The following PSD3 variants were observed in gnomAD, a reference collection of about 807,000 sequenced individuals.
PSD3 encodes the protein pleckstrin and Sec7 domain containing 3.
In PSD3, 49 loss-of-function variants were observed where a neutral mutation model predicts 105.5. The ratio of observed to expected loss-of-function variants is 0.46; its 90% CI spans 0.37 to 0.59. The LOEUF is 0.59. Ranked by LOEUF, PSD3 falls within the 20% of genes least tolerant of loss-of-function variation. PSD3 has a pLI of 0.00. For synonymous variants in PSD3, 557 were observed against 457.8 expected (o/e 1.22, Z -2.77); for missense variants, 1,561 against 1,263.8 (o/e 1.24, Z -3.57).
At chr8:19,030,839 T>A (rs1827741380) in intron 1 of PSD3, among the ~76,000 whole-genome samples, 1 of 152,190 alleles carries the variant, frequency 6.6e-6, no homozygotes, top group Non-Finnish European at 1.5e-5. Context: ...TTGAGAGCGA[T>A]CCTAATTTTG....
At chr8:18,789,204 G>T (rs911231096) in intron 8 of PSD3, among the ~76,000 whole-genome samples, 2 of 152,068 alleles carry the variant, frequency 1.3e-5, no homozygotes, top group African/African-American at 2.4e-5. Context: ...ATGTCCATGA[G>T]GTCAACCCTA....
At chr8:18,943,423 A>G (rs1329270294) in intron 1 of PSD3, among the ~76,000 whole-genome samples, 1 of 152,184 alleles carries the variant, frequency 6.6e-6, no homozygotes, top group Non-Finnish European at 1.5e-5. Context: ...AAAAGCACAA[A>G]CCCACAGGAA....
At chr8:18,808,128 TA>T (rs1485971605) in intron 4 of PSD3, among the ~76,000 whole-genome samples, 8 of 152,212 alleles carry the variant, frequency 5.3e-5, no homozygotes, top group Admixed American at 5.2e-4. Context: ...AAATGTAAAA[TA>T]TTTATTCCAA....
chr8:18,844,172 T>C (rs1814888597), intron 4 of PSD3, among the ~76,000 whole-genome samples: 1 of 151,638 alleles, frequency 6.6e-6, no homozygotes, highest in Non-Finnish European at 1.5e-5. Context: ...AAGAGCTGTA[T>C]CTCCCCAGGA....
chr8:18,826,308 C>T (rs1288069291), intron 4 of PSD3, among the ~76,000 whole-genome samples: 2 of 152,152 alleles, frequency 1.3e-5, no homozygotes, highest in Non-Finnish European at 2.9e-5. Context: ...AACCAATTCC[C>T]TATAATGAAT....
chr8:18,835,661 G>A (rs1413166828), intron 4 of PSD3, among the ~76,000 whole-genome samples: 3 of 152,224 alleles, frequency 2.0e-5, no homozygotes, highest in Admixed American at 1.3e-4. Flanking sequence ...AGGCAGGCAG[G>A]TAAGTGCCCA....
chr8:18,573,259 C>T (rs955557699), intron 13 of PSD3, among the ~76,000 whole-genome samples: 1 of 152,140 alleles, frequency 6.6e-6, no homozygotes, highest in Admixed American at 6.6e-5. Flanking sequence ...CACGTGAGGT[C>T]AGGAGTTCAA....
intron 11 of PSD3, among the ~76,000 whole-genome samples, chr8:18,630,591 T>C (rs1394991594): frequency 3.3e-5 from 5 of 151,998 alleles, no homozygotes; most frequent in Non-Finnish European, 7.4e-5. Flanking sequence ...TAGCAGGAAG[T>C]AGTAAATACT....
chr8:18,705,910 T>C (rs901658224), intron 9 of PSD3, among the ~76,000 whole-genome samples: 1 of 152,184 alleles, frequency 6.6e-6, no homozygotes, highest in African/African-American at 2.4e-5. Context: ...AATACTACTT[T>C]TCACAAATAT....
intron 1 of PSD3, among the ~76,000 whole-genome samples, chr8:18,936,496 G>A (rs1463300018): frequency 6.6e-6 from 1 of 152,218 alleles, no homozygotes; most frequent in Non-Finnish European, 1.5e-5. Flanking sequence ...GGACGCGGTA[G>A]CTCACACCTG....
intron 9 of PSD3, chr8:18,733,206 G>A: frequency 6.6e-6 from 1 of 152,068 alleles, no homozygotes; most frequent in Admixed American, 6.5e-5. Flanking sequence ...TTGGTACCAG[G>A]TAAACAATAT....
chr8:18,810,617 G>C (rs1339244845), intron 4 of PSD3, among the ~76,000 whole-genome samples: 2 of 152,106 alleles, frequency 1.3e-5, no homozygotes, highest in African/African-American at 4.8e-5. Context: ...AGGTGTCAAA[G>C]CTCCCTGTAT....
rs930664985 is a variant in PSD3 at position 18,993,917 on chromosome 8, A to G, written c.21+19646T>C. Among the ~76,000 whole-genome samples, 8 of 152,154 alleles carry G rather than the reference A, an allele frequency of 5.3e-5. No individual in the cohort carries two copies. In the East Asian group the frequency reaches 1.5e-3, roughly 29 times the overall value. Reference sequence around the variant, plus strand: ...ATTATATCAATCACTTTTTTCAGCTAAAGAGCACTATCCCTCAATCATACC... The same window carrying G: ...ATTATATCAATCACTTTTTTCAGCTGAAGAGCACTATCCCTCAATCATACC... On this transcript the variant is annotated intron_variant, in intron 1 of 15. Transcript: ENST00000327040.
chr8:18,641,749 C>T (rs1215180379), intron 10 of PSD3, among the ~76,000 whole-genome samples: 6 of 152,230 alleles, frequency 3.9e-5, no homozygotes, highest in African/African-American at 1.4e-4. Context: ...ACTAAGGTGG[C>T]TCACATCTCA....
chr8:18,973,141 G>A (rs1343055661), intron 1 of PSD3, among the ~76,000 whole-genome samples: 4 of 152,150 alleles, frequency 2.6e-5, no homozygotes, highest in African/African-American at 7.2e-5. Flanking sequence ...GACCATCTGG[G>A]GGTTCTGAGT....
At chr8:19,056,464 C>G (rs1256402218) in intron 1 of PSD3, among the ~76,000 whole-genome samples, 1 of 152,188 alleles carries the variant, frequency 6.6e-6, no homozygotes, top group Admixed American at 6.5e-5. Flanking sequence ...TGGACAAATT[C>G]CATGTACACA....
intron 10 of PSD3, among the ~76,000 whole-genome samples, chr8:18,653,668 C>T (rs1808685365): frequency 1.3e-5 from 2 of 152,088 alleles, no homozygotes; most frequent in Non-Finnish European, 2.9e-5. Flanking sequence ...ACTGGGTAAA[C>T]TCCCGCCCCT....
chr8:18,543,084 A>G (rs1298599668), intron 15 of PSD3, among the ~76,000 whole-genome samples: 1 of 152,142 alleles, frequency 6.6e-6, no homozygotes. Context: ...TGCTGACAAG[A>G]ATCTACATAC....
At chr8:19,062,296 G>A (rs1294190227) in intron 1 of PSD3, among the ~76,000 whole-genome samples, 1 of 152,158 alleles carries the variant, frequency 6.6e-6, no homozygotes, top group African/African-American at 2.4e-5. Flanking sequence ...GAGGCAGACT[G>A]GTGTTCCTCT....
Sources: gnomAD v4.1 joint callset for allele counts (sites outside exome capture counted in the v4.1 genomes callset) on GRCh38, gnomAD v4.1.1 for gene constraint, MANE v1.5 for transcripts, NCBI Gene and HGNC (gene_info 2026-07-23, HGNC 2026-07-21) for gene names.